Variants in UGGT1 observed in about 807,000 individuals in gnomAD.
The protein encoded by UGGT1 is UDP-glucose:glycoprotein glucosyltransferase 1.
A neutral mutation model predicts 203.9 loss-of-function variants in UGGT1; 107 were observed. The ratio of observed to expected loss-of-function variants is 0.52; its 90% CI spans 0.45 to 0.62. The LOEUF (loss-of-function observed/expected upper bound fraction) is 0.62. Ranked by LOEUF, UGGT1 falls within the 20% of genes least tolerant of loss-of-function variation. The probability of loss-of-function intolerance (pLI) is 0.00; values close to 1 mark genes in which losing one functional copy is unlikely to be tolerated. For synonymous variants in UGGT1, 628 were observed against 653.5 expected, an observed-to-expected ratio of 0.96 and a Z score of 0.59; for missense variants, 1,673 against 1,867.2, an observed-to-expected ratio of 0.90 and a Z score of 1.92.
rs777037304 is a variant in UGGT1, at chr2:128,161,287, G to A, written c.2825+19G>A. 45 of 1,611,032 alleles carry A rather than the reference G, an allele frequency of 2.8e-5. No homozygotes were observed. Among genetic ancestry groups the A allele is most frequent in the Non-Finnish European group, 3.4e-5 (40 of 1,178,872 alleles). The stretch of plus-strand genomic sequence containing the variant: ...AAGATGTGTAAGTTTTGCCATAGGA[G>A]GAATTACAGGGGTTATATAATTGGA... On this transcript the variant is annotated intron_variant, in intron 25 of 40. Transcript: ENST00000259253.
intron 18 of UGGT1, among the ~76,000 whole-genome samples, chr2:128,149,695 C>T (rs1689855729): frequency 6.6e-6 from 1 of 151,740 alleles, no homozygotes; most frequent in Non-Finnish European, 1.5e-5. Flanking sequence ...ATCGCTTGAA[C>T]CTGGGAGGCA....
intron 29 of UGGT1, 102 bp downstream of exon 29, chr2:128,172,864 TA>T (rs1338213879): frequency 5.3e-6 from 6 of 1,137,288 alleles, no homozygotes; most frequent in African/African-American, 1.6e-5. Context: ...TCAGGTATGA[TA>T]TTTTTTTAAA....
chr2:128,141,294 A>G (rs1045916950), intron 16 of UGGT1, among the ~76,000 whole-genome samples: 2 of 151,880 alleles, frequency 1.3e-5, no homozygotes, highest in African/African-American at 2.4e-5. Context: ...CCTCATCTCT[A>G]CTAAAAATAC....
chr2:128,096,204 C>T (rs1687110053), intron 1 of UGGT1, among the ~76,000 whole-genome samples: 1 of 152,140 alleles, frequency 6.6e-6, no homozygotes, highest in Non-Finnish European at 1.5e-5. Flanking sequence ...ACCCTAGATC[C>T]CTCATTTTGT....
In UGGT1 at chr2:128,180,903, A is replaced by G. The variant is rs752603361; in HGVS notation, c.3914A>G (p.Tyr1305Cys). ...LSPTFKEFIPYMANEYNFQYE... is the reference protein window; with the variant it reads ...LSPTFKEFIPCMANEYNFQYE... ...GTCTAAAAATAGGAGTTTATACCTT[A>G]CATGGCAAATGAATACAATTTCCAG... The change falls in exon 36 of 41, where the codon TAC becomes TGC. Residue 1305 changes from tyrosine (Y) to cysteine (C), a missense_variant. Coordinates refer to ENST00000259253, the MANE Select transcript of UGGT1 (RefSeq NM_020120.4). 6.2e-7 allele frequency: 1 copy of G among 1,613,462 alleles called. No individual in the cohort carries two copies. Among genetic ancestry groups the G allele is most frequent in the Admixed American group, 1.7e-5 (1 of 59,898 alleles).
chr2:128,114,243 G>C (rs903361978), intron 6 of UGGT1, among the ~76,000 whole-genome samples: 3 of 151,692 alleles, frequency 2.0e-5, no homozygotes, highest in Non-Finnish European at 4.4e-5. Flanking sequence ...TCAGCCTCCC[G>C]AGTAGCTGGG....
At chr2:128,149,425 ATGAG>A (rs1573574908) in intron 18 of UGGT1, among the ~76,000 whole-genome samples, 1 of 147,938 alleles carries the variant, frequency 6.8e-6, no homozygotes, top group East Asian at 2.1e-4. Context: ...CGGGCGGATA[ATGAG>A]GTCAGGAGAT....
chr2:128,092,064 A>G (rs557964574), intron 1 of UGGT1, among the ~76,000 whole-genome samples: 10 of 152,258 alleles, frequency 6.6e-5, no homozygotes, highest in Non-Finnish European at 1.3e-4. Context: ...CTTTTGCCTT[A>G]TTGTGCTACA....
At chr2:128,139,823 T>G in intron 16 of UGGT1, 1 of 154,162 alleles carries the variant, frequency 6.5e-6, no homozygotes, top group African/African-American at 2.4e-5. Context: ...GCCGTGTCAC[T>G]TGTTGCATGG....
At chr2:128,170,216 G>T in intron 26 of UGGT1, 72 bp from the exon 27 acceptor site, 2 of 1,260,010 alleles carry the variant, frequency 1.6e-6, no homozygotes, top group African/African-American at 1.5e-5. Context: ...AAGGTTGAAG[G>T]TTATATTGTA....
chr2:128,157,222 A>C, intron 21 of UGGT1, 30 bp from the exon 22 acceptor site: 1 of 1,494,206 alleles, frequency 6.7e-7, no homozygotes, highest in Middle Eastern at 1.9e-4. Flanking sequence ...CTCTCCTCTG[A>C]CTCAATTAGC....
chr2:128,178,597 TATGATGA>T, intron 34 of UGGT1, 28 bp downstream of exon 34: 1 of 1,573,582 alleles, frequency 6.4e-7, no homozygotes, highest in Admixed American at 1.7e-5. Flanking sequence ...TTTCATTATA[TATGATGA>T]ATGAATTGGT....
chr2:128,128,214 G>A (rs1688695879), intron 12 of UGGT1, among the ~76,000 whole-genome samples: 1 of 152,134 alleles, frequency 6.6e-6, no homozygotes, highest in Non-Finnish European at 1.5e-5. Context: ...TTTGGGGTGG[G>A]TAGCAGACAG....
At chr2:128,092,481 A>G (rs1686910561) in intron 1 of UGGT1, among the ~76,000 whole-genome samples, 1 of 151,768 alleles carries the variant, frequency 6.6e-6, no homozygotes. Flanking sequence ...CTTCAGGGGA[A>G]TATATGAAAG....
At chr2:128,104,940 C>T (rs2105349234) in intron 3 of UGGT1, among the ~76,000 whole-genome samples, 1 of 152,232 alleles carries the variant, frequency 6.6e-6, no homozygotes, top group Admixed American at 6.5e-5. Flanking sequence ...AGCCACTGTG[C>T]CTGGCCAGAT....
chr2:128,175,454 A>G (rs1691324059), intron 31 of UGGT1, among the ~76,000 whole-genome samples: 1 of 152,224 alleles, frequency 6.6e-6, no homozygotes, highest in Non-Finnish European at 1.5e-5. Flanking sequence ...AATTAGTTTT[A>G]AACTGTGTGA....
In UGGT1 at chr2:128,193,346, A is replaced by T. The variant is rs1332855837; in HGVS notation, c.*3604A>T. The T allele has an allele frequency of 6.6e-6, 1 of 150,400 alleles. No homozygotes were observed. The highest frequency in any genetic ancestry group is 2.4e-5 in the African/African-American group (1 of 40,874). The allele number at this position is 150,400 out of a possible 1,614,324, so 9.3% of individuals were successfully genotyped here. On this transcript the variant is annotated 3_prime_UTR_variant, in exon 41 of 41. Coordinates refer to ENST00000259253, the MANE Select transcript of UGGT1 (RefSeq NM_020120.4). ...GGCTCACTTCAACCTCTGCCTCCCAAGTTCAAACAATTCTCCTGCCTCAGC... is the reference window on the plus strand; with the variant it reads ...GGCTCACTTCAACCTCTGCCTCCCATGTTCAAACAATTCTCCTGCCTCAGC...
chr2:128,115,239 G>A lies in UGGT1; in HGVS notation c.793+19G>A, dbSNP rs1192718996. ...GTGAAAGGTGAATTTGTAAAAATGG[G>A]ACCAGTGTGCTTTCTTCAAATATGA... On this transcript the variant is annotated intron_variant, in intron 7 of 40. Transcript: ENST00000259253. 3 of 1,603,924 alleles carry A rather than the reference G, an allele frequency of 1.9e-6. No individual in the cohort carries two copies. Among genetic ancestry groups the A allele is most frequent in the Non-Finnish European group, 2.6e-6 (3 of 1,171,378 alleles).
At chr2:128,186,921 T>C in intron 39 of UGGT1, 122 bp downstream of exon 39, 2 of 729,686 alleles carry the variant, frequency 2.7e-6, no homozygotes, top group Non-Finnish European at 2.3e-6. Flanking sequence ...TTAGACTTTC[T>C]CTGTAATTGT....
Sources: gnomAD v4.1 joint callset for allele counts (sites outside exome capture counted in the v4.1 genomes callset) on GRCh38, gnomAD v4.1.1 for gene constraint, MANE v1.5 for transcripts, NCBI Gene and HGNC (gene_info 2026-07-23, HGNC 2026-07-21) for gene names.